ARHGAP27: variants seen among roughly 807,000 people sequenced by gnomAD.
ARHGAP27 encodes rho GTPase-activating protein 27.
Under a neutral mutation model 102.0 loss-of-function variants are expected in ARHGAP27, and 53 were observed. That is an observed-to-expected ratio of 0.52 (90% CI 0.42 to 0.65). The LOEUF (loss-of-function observed/expected upper bound fraction) is 0.65, where lower values mean the gene tolerates loss of function less well. Among genes scored for constraint, ARHGAP27 ranks in the 30% least tolerant of loss-of-function variants. The pLI, the probability that ARHGAP27 is intolerant of heterozygous loss-of-function variation, is 0.00. For missense variants in ARHGAP27, 1,117 were observed against 1,256.2 expected, an observed-to-expected ratio of 0.89 and a Z score of 1.68; for synonymous variants, 525 against 542.8, an observed-to-expected ratio of 0.97 and a Z score of 0.46.
chr17:45,429,394 C>T (rs1283182481), intron 4 of ARHGAP27: 103 of 1,362,906 alleles, frequency 7.6e-5, no homozygotes, highest in Admixed American at 3.7e-4. Flanking sequence ...TTACGAAAAG[C>T]CTCTGGGCTT....
At chr17:45,407,089 C>T (rs1331093004) in intron 4 of ARHGAP27, among the ~76,000 whole-genome samples, 1 of 152,212 alleles carries the variant, frequency 6.6e-6, no homozygotes, top group Non-Finnish European at 1.5e-5. Context: ...TCCCTGCTGG[C>T]TGCAGGGCAA....
At chr17:45,415,549 G>C (rs1445044125) in intron 4 of ARHGAP27, among the ~76,000 whole-genome samples, 4 of 152,088 alleles carry the variant, frequency 2.6e-5, no homozygotes, top group Non-Finnish European at 5.9e-5. Context: ...AATCAAATTT[G>C]TCCTCTCCCT....
chr17:45,407,846 T>G (rs1403289872), intron 4 of ARHGAP27: 1 of 152,172 alleles, frequency 6.6e-6, no homozygotes, highest in Non-Finnish European at 1.5e-5. Context: ...TACACAATAC[T>G]TCAGGGGAAA....
intron 7 of ARHGAP27, 29 bp downstream of exon 7, chr17:45,404,572 C>T: frequency 6.2e-7 from 1 of 1,613,880 alleles, no homozygotes; most frequent in Non-Finnish European, 8.5e-7. Context: ...TCCTCTCTCC[C>T]CAACACCCCC....
chr17:45,395,492 G>C lies in ARHGAP27; in HGVS notation c.2634C>G (p.Ile878Met). Reference protein sequence around the residue: ...MVFQNQVVELILQQCADIFPP... With the variant: ...MVFQNQVVELMLQQCADIFPP... ...GGAAGATGTCCGCGCACTGCTGCAG[G>C]ATGAGCTCCACCACCTGGTTCTGGA... The change falls in exon 20 of 20, where the codon ATC becomes ATG. Residue 878 changes from isoleucine to methionine, a missense_variant. Coordinates refer to ENST00000685559, the MANE Select transcript of ARHGAP27 (RefSeq NM_001282290.2). 1 of 1,586,510 alleles carries C rather than the reference G, an allele frequency of 6.3e-7. No individual in the cohort carries two copies.
chr17:45,395,693 G>A, intron 19 of ARHGAP27, 51 bp downstream of exon 19: 1 of 1,567,464 alleles, frequency 6.4e-7, no homozygotes, highest in Non-Finnish European at 8.6e-7. Context: ...AGGCGCTGGG[G>A]GCTTCAGCCG....
rs185942115 is a variant in ARHGAP27 at position 45,413,179 on chromosome 17, C to T, written c.658-7096G>A. Among the ~76,000 whole-genome samples, 345 of 151,632 alleles carry T rather than the reference C, an allele frequency of 2.3e-3. 5 individuals carry two copies. The highest frequency in any genetic ancestry group is 1.4e-3 in the Non-Finnish European group (92 of 67,908). On this transcript the variant is annotated intron_variant, in intron 4 of 19. Transcript: ENST00000685559. ...ACTTTTAGTAGAGATGGGGTTTCAT[C>T]GTGTTGGCCAGGCTGGTCTCAAACT...
chr17:45,422,325 G>A (rs1004066327), intron 4 of ARHGAP27, among the ~76,000 whole-genome samples: 8 of 151,730 alleles, frequency 5.3e-5, no homozygotes, highest in Admixed American at 1.3e-4. Context: ...GCTGAGGCAG[G>A]AGAATTGCCT....
chr17:45,404,487 C>G lies in ARHGAP27; in HGVS notation c.1371G>C (p.Gln457His), dbSNP rs761754577. Residue 457 changes from glutamine to histidine, a missense_variant, in exon 8 of 20, where the codon CAG becomes CAC. Coordinates refer to ENST00000685559, the MANE Select transcript of ARHGAP27 (RefSeq NM_001282290.2). ...TGGCCTGGGCTGGGGTGTCACCATC[C>G]TGGCTGGATTTATGGATGCTTCGAG... ...PAPRSIHKSS[Q>H]DGDTPAQASP... The G allele has an allele frequency of 1.9e-6, 3 of 1,613,746 alleles. No homozygotes were observed. In the Admixed American group the frequency reaches 5.0e-5, roughly 27 times the overall value.
rs992151871 is a variant in ARHGAP27 at position 45,427,921 on chromosome 17, T to C, written c.657+1702A>G. 2.4e-4 allele frequency among the ~76,000 whole-genome samples: 37 copies of C among 152,170 alleles called. No homozygotes were observed. Among genetic ancestry groups the C allele is most frequent in the African/African-American group, 3.6e-4 (15 of 41,434 alleles). On this transcript the variant is annotated intron_variant, in intron 4 of 19. Coordinates refer to ENST00000685559, the MANE Select transcript of ARHGAP27 (RefSeq NM_001282290.2). This position sits in a 1 kb window ranked among gnomAD's most constrained non-coding sequence, Gnocchi z 4.5. ...GCGCCCTGGCAGCCGGGGTGATCTG[T>C]CTTCTCAGGAGATGTCAGGACCTGG...
At chr17:45,404,124 A>T in intron 9 of ARHGAP27, 28 bp from the exon 10 acceptor site, 1 of 1,613,672 alleles carries the variant, frequency 6.2e-7, no homozygotes, top group South Asian at 1.1e-5. Flanking sequence ...GAGCAGGCGC[A>T]AGAGTGTGTA....
chr17:45,409,918 C>T, intron 4 of ARHGAP27: 6 of 372,826 alleles, frequency 1.6e-5, no homozygotes, highest in Middle Eastern at 7.3e-4. Context: ...GGCCTTCCGA[C>T]CTCAGGCCAG....
chr17:45,427,992 T>G lies in ARHGAP27; in HGVS notation c.657+1631A>C. Among the ~76,000 whole-genome samples the G allele has an allele frequency of 6.6e-6, 1 of 152,192 alleles. No homozygotes were observed. The highest frequency in any genetic ancestry group is 6.5e-5 in the Admixed American group (1 of 15,284). On this transcript the variant is annotated intron_variant, in intron 4 of 19. Coordinates refer to ENST00000685559, the MANE Select transcript of ARHGAP27 (RefSeq NM_001282290.2). The surrounding 1 kb of genome is among the most constrained non-coding windows in gnomAD (Gnocchi z 4.5). ...TCCTGGGGCCTGGGGTGTTGGCCCT[T>G]GCAGACCTACAGAGCCCTGGCTCAT...
At chr17:45,402,228 A>G (rs2046525449) in intron 12 of ARHGAP27, among the ~76,000 whole-genome samples, 1 of 152,174 alleles carries the variant, frequency 6.6e-6, no homozygotes, top group South Asian at 2.1e-4. Context: ...CACAGTAAGC[A>G]GCCAGGGACA....
At chr17:45,405,292 G>A (rs556158321) in intron 5 of ARHGAP27, among the ~76,000 whole-genome samples, 186 bp from the exon 6 acceptor site, 5 of 151,732 alleles carry the variant, frequency 3.3e-5, no homozygotes, top group Admixed American at 2.6e-4. Flanking sequence ...TGTGGGAGCA[G>A]AAGGCGTCAG....
At chr17:45,405,348 T>C (rs969090180) in intron 5 of ARHGAP27, among the ~76,000 whole-genome samples, 1 of 148,280 alleles carries the variant, frequency 6.7e-6, no homozygotes, top group South Asian at 2.2e-4. Context: ...TTCTGGTCCC[T>C]GGGTCTGCAG....
chr17:45,410,456 C>T, intron 4 of ARHGAP27: 10 of 1,291,800 alleles, frequency 7.7e-6, no homozygotes, highest in Non-Finnish European at 9.9e-6. Flanking sequence ...GAAGTGCTGC[C>T]TGAGTTGGGG....
chr17:45,424,560 C>T (rs1356352808), intron 4 of ARHGAP27, among the ~76,000 whole-genome samples: 7 of 152,148 alleles, frequency 4.6e-5, no homozygotes, highest in Non-Finnish European at 5.9e-5. Flanking sequence ...CTGTACTGGA[C>T]GCAGTCAGCT....
intron 4 of ARHGAP27, chr17:45,429,402 C>T: frequency 7.3e-7 from 1 of 1,370,694 alleles, no homozygotes; most frequent in Middle Eastern, 1.9e-4. Flanking sequence ...AGCCTCTGGG[C>T]TTCCAGGGAG....
Sources: gnomAD v4.1 joint callset for allele counts (sites outside exome capture counted in the v4.1 genomes callset) on GRCh38, gnomAD v4.1.1 for gene constraint, Gnocchi (gnomAD v3.1) non-coding constraint, MANE v1.5 for transcripts, NCBI Gene and HGNC (gene_info 2026-07-23, HGNC 2026-07-21) for gene names.